PRKCE: variants seen among roughly 807,000 people sequenced by gnomAD.
PRKCE encodes the protein protein kinase C epsilon.
A neutral mutation model predicts 85.4 loss-of-function variants in PRKCE; 16 were observed. The observed-to-expected ratio is 0.19, with a 90% confidence interval of 0.13 to 0.28. The LOEUF (loss-of-function observed/expected upper bound fraction) is 0.28. Among genes scored for constraint, PRKCE ranks in the 10% least tolerant of loss-of-function variants. PRKCE has a pLI of 1.00. For synonymous variants in PRKCE, 388 were observed against 371.5 expected (o/e 1.04, Z -0.51); for missense variants, 573 against 975.2 (o/e 0.59, Z 5.49).
chr2:45,980,528 G>A (rs1474183000), intron 5 of PRKCE, 147 bp downstream of exon 5: 17 of 749,174 alleles, frequency 2.3e-5, no homozygotes, highest in South Asian at 1.6e-4. Flanking sequence ...AGCTGTCCAC[G>A]GTCTTCTGGC....
intron 1 of PRKCE, among the ~76,000 whole-genome samples, chr2:45,789,186 G>A (rs766772406): frequency 2.0e-5 from 3 of 151,986 alleles, no homozygotes; most frequent in Non-Finnish European, 4.4e-5. Flanking sequence ...GATTGCTTGA[G>A]GACAGGAGTT....
chr2:46,112,261 A>C (rs1437222180), intron 11 of PRKCE, among the ~76,000 whole-genome samples: 1 of 151,994 alleles, frequency 6.6e-6, no homozygotes, highest in African/African-American at 2.4e-5. Context: ...CTATCCCTTT[A>C]CTTTGAACCT....
intron 1 of PRKCE, among the ~76,000 whole-genome samples, chr2:45,711,524 A>C (rs1291322315): frequency 6.6e-6 from 1 of 152,266 alleles, no homozygotes; most frequent in Non-Finnish European, 1.5e-5. Context: ...TTTGTAAAGC[A>C]CTTAGCGTGC....
intron 1 of PRKCE, among the ~76,000 whole-genome samples, chr2:45,750,448 C>T (rs1008439346): frequency 3.9e-5 from 6 of 152,160 alleles, no homozygotes; most frequent in Admixed American, 2.0e-4. Context: ...CCAAAATTTG[C>T]GGTCCCATTG....
chr2:45,707,848 C>G (rs1250248703), intron 1 of PRKCE, among the ~76,000 whole-genome samples: 1 of 152,222 alleles, frequency 6.6e-6, no homozygotes, highest in Non-Finnish European at 1.5e-5. Flanking sequence ...TCCCCTTCTC[C>G]TTAGTTCCCA....
chr2:45,941,802 T>C (rs1371147325), intron 2 of PRKCE, among the ~76,000 whole-genome samples: 1 of 152,168 alleles, frequency 6.6e-6, no homozygotes, highest in South Asian at 2.1e-4. Context: ...AGTGGTCTGA[T>C]TACATGACAG....
At chr2:45,725,757 G>A (rs1681011365) in intron 1 of PRKCE, among the ~76,000 whole-genome samples, 1 of 151,994 alleles carries the variant, frequency 6.6e-6, no homozygotes, top group South Asian at 2.1e-4. Context: ...CTTGAACCCG[G>A]GAGGCGGAGG....
intron 11 of PRKCE, among the ~76,000 whole-genome samples, chr2:46,122,130 A>G (rs1673368679): frequency 6.6e-6 from 1 of 152,188 alleles, no homozygotes; most frequent in African/African-American, 2.4e-5. Context: ...GGCTCCTTCC[A>G]GTCAGTGCTC....
intron 1 of PRKCE, among the ~76,000 whole-genome samples, chr2:45,823,098 G>T (rs1573497648): frequency 6.6e-6 from 1 of 152,186 alleles, no homozygotes; most frequent in East Asian, 1.9e-4. Context: ...AGGAGCCTGG[G>T]CTCCTACTGA....
rs890867478 is a variant in PRKCE, at chr2:45,730,651, G to A, written c.348+78203G>A. Among the ~76,000 whole-genome samples, 3 of 145,926 alleles carry A rather than the reference G, an allele frequency of 2.1e-5. No homozygotes were observed. The South Asian group carries it at 6.6e-4, about 32-fold the overall frequency. On this transcript the variant is annotated intron_variant, in intron 1 of 14. Transcript: ENST00000306156. ...ATTTTTGTATTTTTAGTACAGACAGGGTTTCACCCCATTGGCCAGGCTGGT... is the reference window on the plus strand; with the variant it reads ...ATTTTTGTATTTTTAGTACAGACAGAGTTTCACCCCATTGGCCAGGCTGGT...
chr2:45,987,506 AT>A (rs944151161), intron 6 of PRKCE, among the ~76,000 whole-genome samples: 4 of 151,760 alleles, frequency 2.6e-5, no homozygotes, highest in East Asian at 3.9e-4. Flanking sequence ...AAGAAACCTT[AT>A]TTTTTTAAGA....
chr2:46,076,801 A>C (rs1288355637), intron 10 of PRKCE, among the ~76,000 whole-genome samples: 1 of 152,196 alleles, frequency 6.6e-6, no homozygotes, highest in Non-Finnish European at 1.5e-5. Flanking sequence ...CAGGCAATGG[A>C]ATATTATTTA....
intron 2 of PRKCE, among the ~76,000 whole-genome samples, chr2:45,881,667 C>G (rs1694899460): frequency 2.0e-5 from 3 of 152,132 alleles, no homozygotes; most frequent in Admixed American, 6.5e-5. Context: ...ATAGTCATCC[C>G]CATTTTTACA....
chr2:45,962,623 C>G (rs1413469570), intron 2 of PRKCE, among the ~76,000 whole-genome samples: 1 of 152,212 alleles, frequency 6.6e-6, no homozygotes, highest in African/African-American at 2.4e-5. Context: ...CACACAGTGA[C>G]TATTCTTTTC....
intron 2 of PRKCE, among the ~76,000 whole-genome samples, chr2:45,863,356 G>C (rs1693322766): frequency 6.6e-6 from 1 of 152,074 alleles, no homozygotes; most frequent in African/African-American, 2.4e-5. Flanking sequence ...TTAAAATTTA[G>C]TCTTAGAGAC....
At chr2:45,833,556 C>A (rs537186770) in intron 1 of PRKCE, among the ~76,000 whole-genome samples, 1 of 152,324 alleles carries the variant, frequency 6.6e-6, no homozygotes, top group South Asian at 2.1e-4. Context: ...TGAAGCAGGT[C>A]CTGCTGACAT....
chr2:45,700,226 G>C (rs1399804389), intron 1 of PRKCE, among the ~76,000 whole-genome samples: 2 of 152,014 alleles, frequency 1.3e-5, no homozygotes, highest in Non-Finnish European at 2.9e-5. Context: ...GCAATATAGA[G>C]AGGTCTTTTT....
chr2:45,856,912 C>A (rs932894499), intron 2 of PRKCE, among the ~76,000 whole-genome samples: 1 of 152,174 alleles, frequency 6.6e-6, no homozygotes, highest in South Asian at 2.1e-4. Flanking sequence ...AATAATATTC[C>A]ATTGTGCTGA....
chr2:45,809,193 G>A (rs1178325777), intron 1 of PRKCE, among the ~76,000 whole-genome samples: 4 of 152,128 alleles, frequency 2.6e-5, no homozygotes, highest in Non-Finnish European at 4.4e-5. Flanking sequence ...ATAATTTGCT[G>A]CCCTAAATCC....
Sources: allele counts gnomAD v4.1 joint callset (sites outside exome capture counted in the v4.1 genomes callset), GRCh38; gene constraint gnomAD v4.1.1; transcripts MANE v1.5; gene names NCBI Gene and HGNC (gene_info 2026-07-23, HGNC 2026-07-21).